The following PHACTR2 variants were observed in gnomAD, a reference collection of about 807,000 sequenced individuals.
PHACTR2 encodes the protein phosphatase and actin regulator 2.
PHACTR2 carries 30 observed loss-of-function variants against 76.0 expected under a neutral mutation model. The ratio of observed to expected loss-of-function variants is 0.39; its 90% CI spans 0.30 to 0.54. The LOEUF (loss-of-function observed/expected upper bound fraction) is 0.54. PHACTR2 is among the 20% of genes least tolerant of loss of function. The pLI is 0.61. For missense variants in PHACTR2, 696 were observed against 781.1 expected (o/e 0.89, Z 1.30); for synonymous variants, 292 against 292.5 (o/e 1.00, Z 0.02).
Position 143,709,450 on chromosome 6 carries a change from A to G in PHACTR2, c.47-2566A>G, listed in dbSNP as rs753972892. 6.6e-5 allele frequency among the ~76,000 whole-genome samples: 10 copies of G among 152,008 alleles called. No individual in the cohort carries two copies. The highest frequency in any genetic ancestry group is 1.3e-4 in the Non-Finnish European group (9 of 68,002). On this transcript the variant is annotated intron_variant, in intron 1 of 12. Coordinates refer to ENST00000440869, the MANE Select transcript of PHACTR2 (RefSeq NM_001100164.2). The surrounding 1 kb of genome is among the most constrained non-coding windows in gnomAD (Gnocchi z 4.4). ...ATTGTCTGTCTTCATTCAGTTTGAG[A>G]TTTTCCTGGTTCTTAGTGTGTCAAG...
chr6:143,653,996 C>A lies in PHACTR2; in HGVS notation c.13+45674C>A, dbSNP rs1318127525. 6.6e-6 allele frequency among the ~76,000 whole-genome samples: 1 copy of A among 152,066 alleles called. No individual in the cohort carries two copies. The highest frequency in any genetic ancestry group is 1.5e-5 in the Non-Finnish European group (1 of 68,010). ...AAAAGGGAAGTATCTATATAGAGAA[C>A]AATTACAATGCAATAATAAAAAGAC... On this transcript the variant is annotated intron_variant, in intron 1 of 11. Coordinates refer to the PHACTR2 transcript ENST00000305766. The surrounding 1 kb of genome is among the most constrained non-coding windows in gnomAD (Gnocchi z 4.9).
chr6:143,703,726 A>G (rs1312715442), intron 1 of PHACTR2, among the ~76,000 whole-genome samples: 1 of 152,188 alleles, frequency 6.6e-6, no homozygotes, highest in Admixed American at 6.5e-5. Flanking sequence ...TTTTTAAAGG[A>G]ACCATCAGCT....
At chr6:143,567,645 T>G (rs7774139) in intron 1 of PHACTR2, among the ~76,000 whole-genome samples, 5 of 151,986 alleles carry the variant, frequency 3.3e-5, no homozygotes, top group Admixed American at 6.5e-5. Context: ...GTGATCCACC[T>G]ACCTCTGCCT....
At chr6:143,737,118 T>C (rs942500602) in intron 2 of PHACTR2, among the ~76,000 whole-genome samples, 1 of 151,604 alleles carries the variant, frequency 6.6e-6, no homozygotes, top group Non-Finnish European at 1.5e-5. Context: ...TGAACTTCTA[T>C]ATAAATATTA....
At chr6:143,634,324 G>A (rs1426787685) in intron 1 of PHACTR2, among the ~76,000 whole-genome samples, 1 of 152,170 alleles carries the variant, frequency 6.6e-6, no homozygotes, top group Admixed American at 6.5e-5. Context: ...TAAACAATAT[G>A]TTTTCCTGCT....
At position 143,662,690 on chromosome 6, in the gene PHACTR2, A is replaced by C. The variant is rs1582747090; in HGVS notation, c.14-49326A>C. 6.6e-6 allele frequency among the ~76,000 whole-genome samples: 1 copy of C among 152,180 alleles called. No individual in the cohort carries two copies. The highest frequency in any genetic ancestry group is 2.4e-5 in the African/African-American group (1 of 41,436). On this transcript the variant is annotated intron_variant, in intron 1 of 11. Transcript: ENST00000305766. The surrounding 1 kb of genome is among the most constrained non-coding windows in gnomAD (Gnocchi z 4.7). ...TGACTACCAGGCAGTTTTGTTTTTCATCTTGAATTGTGAATTGTCTTCACC... is the reference window on the plus strand; with the variant it reads ...TGACTACCAGGCAGTTTTGTTTTTCCTCTTGAATTGTGAATTGTCTTCACC...
At chr6:143,579,236 C>T (rs1341140483) in intron 1 of PHACTR2, among the ~76,000 whole-genome samples, 17 of 151,992 alleles carry the variant, frequency 1.1e-4, no homozygotes, top group African/African-American at 3.6e-4. Context: ...TGTAACATAG[C>T]TGTGTGAACA....
In PHACTR2 at chr6:143,648,336, G is replaced by A. The variant is rs990148558; in HGVS notation, c.13+40014G>A. Among the ~76,000 whole-genome samples, 1 of 152,170 alleles carries A rather than the reference G, an allele frequency of 6.6e-6. No individual in the cohort carries two copies. The highest frequency in any genetic ancestry group is 2.4e-5 in the African/African-American group (1 of 41,430). ...TGGGAGCTCAATTAGTCATCACTTTGCCTTATTATTTACTAAGCGTTCATC... is the reference window on the plus strand; with the variant it reads ...TGGGAGCTCAATTAGTCATCACTTTACCTTATTATTTACTAAGCGTTCATC... On this transcript the variant is annotated intron_variant, in intron 1 of 11. Coordinates refer to the PHACTR2 transcript ENST00000305766. The surrounding 1 kb of genome is among the most constrained non-coding windows in gnomAD (Gnocchi z 6.7).
At position 143,830,375 on chromosome 6, in the gene PHACTR2, A is replaced by G. The variant is rs1776642374; in HGVS notation, c.*6686A>G. ...TCACACTTCAGTTAAAGTGATAACA[A>G]TGGTAAACTGTGATCATTATCAGAC... On this transcript the variant is annotated 3_prime_UTR_variant, in exon 13 of 13. Transcript: ENST00000440869. 1.3e-5 allele frequency: 2 copies of G among 152,036 alleles called. No homozygotes were observed. The highest frequency in any genetic ancestry group is 1.9e-4 in the East Asian group (1 of 5,186). The allele number at this position is 152,036 out of a possible 1,614,324, so 9.4% of individuals were successfully genotyped here.
Position 143,774,143 on chromosome 6 carries a change from A to G in PHACTR2, c.1517A>G (p.Lys506Arg). 1.2e-6 allele frequency: 2 copies of G among 1,614,136 alleles called. No individual in the cohort carries two copies. The highest frequency in any genetic ancestry group is 1.7e-6 in the Non-Finnish European group (2 of 1,179,940). Reference protein sequence around the residue: ...NRPSKKELEDKNILQRTSEEE... With the variant: ...NRPSKKELEDRNILQRTSEEE... ...CCATCTAAGAAAGAACTAGAGGACAAAAACATCTTGCAGCGTACATCTGAA... is the reference window on the plus strand; with the variant it reads ...CCATCTAAGAAAGAACTAGAGGACAGAAACATCTTGCAGCGTACATCTGAA... The change falls in exon 8 of 13, where the codon AAA becomes AGA. Residue 506 changes from lysine to arginine, a missense_variant. By Grantham distance (26) the Lys-to-Arg change is conservative. Transcript: ENST00000440869. The surrounding 1 kb of genome is among the most constrained non-coding windows in gnomAD (Gnocchi z 5.4).
Position 143,710,101 on chromosome 6 carries a change from T to G in PHACTR2, c.47-1915T>G, listed in dbSNP as rs1778141286. Among the ~76,000 whole-genome samples, 2 of 152,218 alleles carry G rather than the reference T, an allele frequency of 1.3e-5. No homozygotes were observed. Among genetic ancestry groups the G allele is most frequent in the South Asian group, 4.1e-4 (2 of 4,838 alleles). ...CTAAAAGTTTCTTATGTTGCTACTC[T>G]GCCCCTTTCCTGGTTATGTGGCTAG... On this transcript the variant is annotated intron_variant, in intron 1 of 12. Transcript: ENST00000440869. This position sits in a 1 kb window ranked among gnomAD's most constrained non-coding sequence, Gnocchi z 4.9.
Position 143,783,285 on chromosome 6 carries a change from T to G in PHACTR2, c.1707+5T>G. 1 of 1,582,880 alleles carries G rather than the reference T, an allele frequency of 6.3e-7. No homozygotes were observed. The highest frequency in any genetic ancestry group is 8.7e-7 in the Non-Finnish European group (1 of 1,152,470). On this transcript the variant is annotated splice_donor_5th_base_variant and intron_variant, in intron 10 of 12. Coordinates refer to ENST00000440869, the MANE Select transcript of PHACTR2 (RefSeq NM_001100164.2). This position sits in a 1 kb window ranked among gnomAD's most constrained non-coding sequence, Gnocchi z 5.2. ...AAACGCAGACTCAGCAGAAAGGTAA[T>G]GAAATCATAACTATTAATGAGCATA...
chr6:143,616,204 T>C lies in PHACTR2; in HGVS notation c.13+7882T>C, dbSNP rs1776057412. 6.6e-6 allele frequency among the ~76,000 whole-genome samples: 1 copy of C among 152,204 alleles called. No homozygotes were observed. The highest frequency in any genetic ancestry group is 2.1e-4 in the South Asian group (1 of 4,832). ...TGAATTTTTTTCACATAAACCAATTTTTTCCAAATATTTAATCTTCTAATT... is the reference window on the plus strand; with the variant it reads ...TGAATTTTTTTCACATAAACCAATTCTTTCCAAATATTTAATCTTCTAATT... On this transcript the variant is annotated intron_variant, in intron 1 of 11. Transcript: ENST00000305766. The surrounding 1 kb of genome is among the most constrained non-coding windows in gnomAD (Gnocchi z 4.9).
At chr6:143,785,811 G>T (rs1361050132) in intron 10 of PHACTR2, among the ~76,000 whole-genome samples, 3 of 152,206 alleles carry the variant, frequency 2.0e-5, no homozygotes, top group African/African-American at 7.2e-5. Context: ...TTCTACATTT[G>T]CCCCTTTCAG....
chr6:143,774,757 G>T lies in PHACTR2; in HGVS notation c.1589+542G>T, dbSNP rs532737282. On this transcript the variant is annotated intron_variant, in intron 8 of 12. Transcript: ENST00000440869. This position sits in a 1 kb window ranked among gnomAD's most constrained non-coding sequence, Gnocchi z 5.4. ...AATGGTCTGCCTCCATCCAAGTCAGGTAGCCTTAACCCTCATATCTGAACA... is the reference window on the plus strand; with the variant it reads ...AATGGTCTGCCTCCATCCAAGTCAGTTAGCCTTAACCCTCATATCTGAACA... Among the ~76,000 whole-genome samples, 3 of 152,244 alleles carry T rather than the reference G, an allele frequency of 2.0e-5. No homozygotes were observed. In the East Asian group the frequency reaches 5.8e-4, roughly 29 times the overall value.
rs778550297 is a variant in PHACTR2 at position 143,783,211 on chromosome 6, A to C, written c.1646-8A>C. On this transcript the variant is annotated splice_region_variant and splice_polypyrimidine_tract_variant and intron_variant, in intron 9 of 12. Coordinates refer to ENST00000440869, the MANE Select transcript of PHACTR2 (RefSeq NM_001100164.2). This position sits in a 1 kb window ranked among gnomAD's most constrained non-coding sequence, Gnocchi z 5.2. ...CTGTCATCACGACTTTCCTCCTTTA[A>C]TAAACAGAAAAGAATGAAGAAGAGG... 6.3e-7 allele frequency: 1 copy of C among 1,589,732 alleles called. No individual in the cohort carries two copies. The highest frequency in any genetic ancestry group is 1.7e-5 in the Admixed American group (1 of 59,728).
intron 1 of PHACTR2, among the ~76,000 whole-genome samples, chr6:143,691,978 C>A (rs1009741843): frequency 6.6e-6 from 1 of 152,180 alleles, no homozygotes; most frequent in Non-Finnish European, 1.5e-5. Flanking sequence ...GGCATCCTTT[C>A]CTTTCAATTG....
At chr6:143,600,769 A>G (rs1205594165) in intron 1 of PHACTR2, among the ~76,000 whole-genome samples, 2 of 152,258 alleles carry the variant, frequency 1.3e-5, no homozygotes, top group Non-Finnish European at 2.9e-5. Flanking sequence ...TGCCAAGGCA[A>G]AAAGAATAGC....
In PHACTR2 at chr6:143,544,388, T is replaced by C. The variant is rs75835659; in HGVS notation, c.217+7181T>C. ...CCCTTACGATAGGTGAGAAAAGGTATCACACCTTTCTCCCCCATACACAGA... is the reference window on the plus strand; with the variant it reads ...CCCTTACGATAGGTGAGAAAAGGTACCACACCTTTCTCCCCCATACACAGA... On this transcript the variant is annotated intron_variant, in intron 1 of 11. Coordinates refer to the PHACTR2 transcript ENST00000367584. Among the ~76,000 whole-genome samples, 1,337 of 152,264 alleles carry C rather than the reference T, an allele frequency of 8.8e-3. 27 individuals carry two copies. Among genetic ancestry groups the C allele is most frequent in the African/African-American group, 0.029 (1,207 of 41,536 alleles).
Sources: gnomAD v4.1 joint callset for allele counts (sites outside exome capture counted in the v4.1 genomes callset) on GRCh38, gnomAD v4.1.1 for gene constraint, Gnocchi (gnomAD v3.1) non-coding constraint, MANE v1.5 for transcripts, NCBI Gene and HGNC (gene_info 2026-07-23, HGNC 2026-07-21) for gene names.